The following EYA1 variants were observed in gnomAD, a reference collection of about 807,000 sequenced individuals.
EYA1 encodes EYA transcriptional coactivator and phosphatase 1, also known as protein phosphatase EYA1.
In EYA1, 16 loss-of-function variants were observed where a neutral mutation model predicts 82.0. The ratio of observed to expected loss-of-function variants is 0.20; its 90% CI spans 0.13 to 0.30. The LOEUF is 0.30. Ranked by LOEUF, EYA1 falls within the 10% of genes least tolerant of loss-of-function variation. The pLI is 1.00. For synonymous variants in EYA1, 261 were observed against 264.4 expected, an observed-to-expected ratio of 0.99 and a Z score of 0.12; for missense variants, 633 against 730.7, an observed-to-expected ratio of 0.87 and a Z score of 1.54.
In EYA1 at chr8:71,504,894, C is replaced by T. The variant is rs529961274; in HGVS notation, c.33+30850G>A. Among the ~76,000 whole-genome samples the T allele has an allele frequency of 1.1e-4, 16 of 152,274 alleles. No homozygotes were observed. The East Asian group carries it at 1.2e-3, about 11-fold the overall frequency. Reference sequence around the variant, plus strand: ...TCAGCTCACTACAACCTCTGCCTCCCGGGCTCAAGTGATTCTCCTGCCTCA... The same window carrying T: ...TCAGCTCACTACAACCTCTGCCTCCTGGGCTCAAGTGATTCTCCTGCCTCA... On this transcript the variant is annotated intron_variant, in intron 2 of 18. Transcript: ENST00000643681.
At chr8:71,210,729 C>A (rs1042193147) in intron 17 of EYA1, among the ~76,000 whole-genome samples, 2 of 152,306 alleles carry the variant, frequency 1.3e-5, no homozygotes, top group Admixed American at 1.3e-4. Context: ...GTTTTATCTT[C>A]CAAGTCAGCT....
chr8:71,425,213 G>T (rs555361117), intron 2 of EYA1, among the ~76,000 whole-genome samples: 1 of 151,684 alleles, frequency 6.6e-6, no homozygotes, highest in South Asian at 2.1e-4. Flanking sequence ...AACCCGGGAG[G>T]CAGAGCTTGC....
At chr8:71,525,634 T>A (rs1197886862) in intron 2 of EYA1, among the ~76,000 whole-genome samples, 1 of 152,192 alleles carries the variant, frequency 6.6e-6, no homozygotes, top group Non-Finnish European at 1.5e-5. Flanking sequence ...AACCTCACCC[T>A]CAAATTATCA....
rs538851091 is a variant in EYA1, at chr8:71,466,594, C to T, written c.33+69150G>A. Among the ~76,000 whole-genome samples the T allele has an allele frequency of 7.9e-5, 12 of 152,146 alleles. No homozygotes were observed. The South Asian group carries it at 8.3e-4, about 11-fold the overall frequency. On this transcript the variant is annotated intron_variant, in intron 2 of 18. Transcript: ENST00000643681. ...ATGTGAGCAGGTGTAGAGATATAAT[C>T]GTTAATCAATATTCAGGACAGCTAC...
At chr8:71,281,393 T>C (rs1052255787) in intron 9 of EYA1, among the ~76,000 whole-genome samples, 1 of 152,246 alleles carries the variant, frequency 6.6e-6, no homozygotes, top group African/African-American at 2.4e-5. Flanking sequence ...ATTTAAGAGA[T>C]ACCACTAGTG....
intron 2 of EYA1, among the ~76,000 whole-genome samples, chr8:71,519,477 C>T (rs1212337587): frequency 6.6e-6 from 1 of 151,906 alleles, no homozygotes; most frequent in Non-Finnish European, 1.5e-5. Flanking sequence ...AGAGAGTTGA[C>T]TAAAACCTAA....
intron 11 of EYA1, among the ~76,000 whole-genome samples, chr8:71,252,660 A>C (rs1297913415): frequency 3.3e-5 from 5 of 152,132 alleles, no homozygotes; most frequent in Non-Finnish European, 7.4e-5. Flanking sequence ...AGATGACCCA[A>C]CTCTAGGAAG....
intron 1 of EYA1, among the ~76,000 whole-genome samples, chr8:71,547,363 C>T (rs1047274022): frequency 5.9e-5 from 9 of 152,340 alleles, no homozygotes; most frequent in African/African-American, 1.7e-4. Context: ...TACCACCTCC[C>T]CGAAGGAAAA....
At chr8:71,200,377 A>C (rs1258397048) in intron 17 of EYA1, among the ~76,000 whole-genome samples, 1 of 152,180 alleles carries the variant, frequency 6.6e-6, no homozygotes, top group African/African-American at 2.4e-5. Context: ...TGTTTTTTAA[A>C]TGTGTAGGTG....
intron 2 of EYA1, among the ~76,000 whole-genome samples, chr8:71,520,302 T>C (rs1001301915): frequency 1.2e-4 from 18 of 152,108 alleles, no homozygotes; most frequent in Admixed American, 2.6e-4. Flanking sequence ...CCCTGAGCAC[T>C]GCGCTGTGCA....
At chr8:71,249,799 C>T (rs1813528907) in intron 11 of EYA1, among the ~76,000 whole-genome samples, 1 of 152,106 alleles carries the variant, frequency 6.6e-6, no homozygotes, top group Non-Finnish European at 1.5e-5. Flanking sequence ...TGGTCATTTC[C>T]ACCTAGATGT....
intron 2 of EYA1, among the ~76,000 whole-genome samples, chr8:71,448,469 G>A (rs112531220): frequency 2.1e-4 from 31 of 150,662 alleles, no homozygotes; most frequent in African/African-American, 7.2e-4. Flanking sequence ...CACTACATTC[G>A]CAGTTACTTC....
At chr8:71,371,170 G>GT (rs1828059550) in intron 2 of EYA1, among the ~76,000 whole-genome samples, 1 of 152,198 alleles carries the variant, frequency 6.6e-6, no homozygotes, top group Non-Finnish European at 1.5e-5. Flanking sequence ...ATAAGATGCA[G>GT]TAAGACCCTT....
chr8:71,426,037 C>T (rs1805207370), intron 2 of EYA1, among the ~76,000 whole-genome samples: 1 of 152,120 alleles, frequency 6.6e-6, no homozygotes, highest in South Asian at 2.1e-4. Context: ...TTTAGCTAAG[C>T]AAGGAATGAA....
chr8:71,215,700 G>A lies in EYA1; in HGVS notation c.1389C>T (p.Ala463=). ...GGLLGPAKRE[A]WLQLRAEIEA... ...CAATTTCGGCCCTCAACTGCAGCCAGGCTTCCCTCTTAGCTGGACCAAGCA... is the reference window on the plus strand; with the variant it reads ...CAATTTCGGCCCTCAACTGCAGCCAAGCTTCCCTCTTAGCTGGACCAAGCA... Residue 463 remains alanine (A), a synonymous_variant, in exon 15 of 18, where the codon GCC becomes GCT. Coordinates refer to ENST00000340726, the MANE Select transcript of EYA1 (RefSeq NM_000503.6). The A allele has an allele frequency of 6.2e-7, 1 of 1,614,068 alleles. No individual in the cohort carries two copies. The highest frequency in any genetic ancestry group is 8.5e-7 in the Non-Finnish European group (1 of 1,179,938).
At position 71,271,740 on chromosome 8, in the gene EYA1, G is replaced by A. The variant is rs764806982; in HGVS notation, c.966+18C>T. The stretch of plus-strand genomic sequence containing the variant: ...TTAAGACACCTTTCTATTCACTTGG[G>A]TGTTGGCTATGACGTACCTCAAGAT... On this transcript the variant is annotated intron_variant, in intron 10 of 17. Coordinates refer to ENST00000340726, the MANE Select transcript of EYA1 (RefSeq NM_000503.6). 3 of 1,614,152 alleles carry A rather than the reference G, an allele frequency of 1.9e-6. No individual in the cohort carries two copies. The highest frequency in any genetic ancestry group is 2.2e-5 in the South Asian group (2 of 91,086).
chr8:71,287,990 T>C (rs1818573622), intron 9 of EYA1, among the ~76,000 whole-genome samples: 1 of 152,104 alleles, frequency 6.6e-6, no homozygotes, highest in East Asian at 1.9e-4. Context: ...CCTTCCCAAG[T>C]GAGTGACAGA....
At chr8:71,516,225 T>C (rs917615777) in intron 2 of EYA1, among the ~76,000 whole-genome samples, 11 of 152,196 alleles carry the variant, frequency 7.2e-5, no homozygotes, top group African/African-American at 2.7e-4. Context: ...TTTCATTGAA[T>C]AGCCACTGAG....
At chr8:71,358,206 A>G (rs1299267891) in intron 1 of EYA1, among the ~76,000 whole-genome samples, 1 of 152,178 alleles carries the variant, frequency 6.6e-6, no homozygotes, top group Non-Finnish European at 1.5e-5. Context: ...TTGTACTTTA[A>G]CCAATCATAT....
Sources: gnomAD v4.1 joint callset for allele counts (sites outside exome capture counted in the v4.1 genomes callset) on GRCh38, gnomAD v4.1.1 for gene constraint, MANE v1.5 for transcripts, NCBI Gene and HGNC (gene_info 2026-07-23, HGNC 2026-07-21) for gene names.